The following KITLG variants were observed in gnomAD, a reference collection of about 807,000 sequenced individuals.
KITLG encodes c-Kit ligand.
In KITLG, 13 loss-of-function variants were observed where a neutral mutation model predicts 34.1. That is an observed-to-expected ratio of 0.38 (90% CI 0.25 to 0.61). KITLG has a LOEUF of 0.61. Among genes scored for constraint, KITLG ranks in the 20% least tolerant of loss-of-function variants. The pLI is 0.60. For synonymous variants in KITLG, 110 were observed against 104.0 expected (o/e 1.06, Z -0.35); for missense variants, 292 against 318.9 (o/e 0.92, Z 0.64).
intron 1 of KITLG, among the ~76,000 whole-genome samples, chr12:88,566,174 A>C (rs1871436325): frequency 6.6e-6 from 1 of 152,130 alleles, no homozygotes; most frequent in Non-Finnish European, 1.5e-5. Flanking sequence ...TGAACAATGT[A>C]TGTATGTTTA....
chr12:88,578,234 C>T (rs1176804512), intron 1 of KITLG, among the ~76,000 whole-genome samples: 1 of 151,996 alleles, frequency 6.6e-6, no homozygotes, highest in Admixed American at 6.6e-5. Flanking sequence ...TTTTCAGTGA[C>T]TGTGGAATCG....
At chr12:88,573,660 G>A (rs968660985) in intron 1 of KITLG, among the ~76,000 whole-genome samples, 18 of 152,294 alleles carry the variant, frequency 1.2e-4, no homozygotes, top group African/African-American at 4.1e-4. Flanking sequence ...CTCCTGAAAA[G>A]GCAACACAGT....
At chr12:88,546,210 A>G (rs1193000421) in intron 1 of KITLG, among the ~76,000 whole-genome samples, 2 of 152,178 alleles carry the variant, frequency 1.3e-5, no homozygotes, top group Non-Finnish European at 2.9e-5. Flanking sequence ...TAAAATGTAT[A>G]CCTTATGGCA....
Position 88,544,623 on chromosome 12 carries a change from T to C in KITLG, c.129+1129A>G, listed in dbSNP as rs529311684. Among the ~76,000 whole-genome samples, 10 of 152,108 alleles carry C rather than the reference T, an allele frequency of 6.6e-5. No individual in the cohort carries two copies. In the South Asian group the frequency reaches 1.5e-3, roughly 22 times the overall value. On this transcript the variant is annotated intron_variant, in intron 2 of 9. Transcript: ENST00000644744. The stretch of plus-strand genomic sequence containing the variant: ...GCTCACAGTTCCCTCAAGTAAGACA[T>C]ACTGATACATCTGCTGCTGCTGCAT...
intron 3 of KITLG, among the ~76,000 whole-genome samples, chr12:88,521,456 A>G (rs897169758): frequency 6.6e-6 from 1 of 152,134 alleles, no homozygotes; most frequent in Non-Finnish European, 1.5e-5. Flanking sequence ...AAGATTGTCA[A>G]ATTTACAAAC....
chr12:88,529,247 G>T (rs1490851559), intron 3 of KITLG, among the ~76,000 whole-genome samples: 3 of 152,108 alleles, frequency 2.0e-5, no homozygotes, highest in African/African-American at 4.8e-5. Flanking sequence ...AGTGAATGAA[G>T]GTGTGTGGCA....
intron 3 of KITLG, among the ~76,000 whole-genome samples, chr12:88,524,719 C>T (rs900698798): frequency 3.3e-5 from 5 of 151,930 alleles, no homozygotes; most frequent in African/African-American, 9.7e-5. Flanking sequence ...ATTAGGAAGA[C>T]GGGCCCCTGT....
At chr12:88,529,161 T>C (rs1047393650) in intron 3 of KITLG, among the ~76,000 whole-genome samples, 27 of 152,240 alleles carry the variant, frequency 1.8e-4, no homozygotes, top group Admixed American at 5.9e-4. Flanking sequence ...AATAAAAAAA[T>C]TTTTTTAAAA....
At chr12:88,554,911 T>C (rs1871047872) in intron 1 of KITLG, among the ~76,000 whole-genome samples, 1 of 152,194 alleles carries the variant, frequency 6.6e-6, no homozygotes. Context: ...AAACAGATGT[T>C]ACCAGAGTAA....
chr12:88,552,776 G>C (rs1010932487), intron 1 of KITLG, among the ~76,000 whole-genome samples: 1 of 151,342 alleles, frequency 6.6e-6, no homozygotes, highest in Non-Finnish European at 1.5e-5. Flanking sequence ...AAAAAAAAAC[G>C]CTTTTGGAAA....
At chr12:88,534,925 C>T (rs1252865793) in intron 2 of KITLG, among the ~76,000 whole-genome samples, 2 of 152,050 alleles carry the variant, frequency 1.3e-5, no homozygotes, top group African/African-American at 2.4e-5. Context: ...AAGTAAGCAG[C>T]AATATTCTAT....
chr12:88,580,431 C>T lies in KITLG; in HGVS notation c.-153G>A. On this transcript the variant is annotated 5_prime_UTR_variant, in exon 1 of 10. Transcript: ENST00000644744. ...GCGCCCTCTCCACTGTCCCTGCTTC[C>T]CGCAGCGCTTCTAGTCTCGGCGCGA... The T allele has an allele frequency of 1.1e-6, 1 of 917,536 alleles. No homozygotes were observed. The highest frequency in any genetic ancestry group is 1.5e-5 in the South Asian group (1 of 68,136). The allele number at this position is 917,536 out of a possible 1,614,324, so 56.8% of individuals were successfully genotyped here.
chr12:88,530,763 T>C (rs1870054326), intron 3 of KITLG, among the ~76,000 whole-genome samples: 1 of 152,184 alleles, frequency 6.6e-6, no homozygotes, highest in African/African-American at 2.4e-5. Context: ...TGAAGATACA[T>C]GTTCTAAGGA....
chr12:88,519,014 C>T (rs1869561452), intron 3 of KITLG, 147 bp from the exon 4 acceptor site: 2 of 712,794 alleles, frequency 2.8e-6, no homozygotes. Context: ...AAGTGCCTGC[C>T]ACCATGCCTG....
Position 88,537,303 on chromosome 12 carries a change from A to C in KITLG, c.130-4800T>G, listed in dbSNP as rs117283197. ...GAATACTATGCAGCCACAAAAAAAA[A>C]CAATAAAATCATGTCTTTCGCAGGA... On this transcript the variant is annotated intron_variant, in intron 2 of 9. Coordinates refer to ENST00000644744, the MANE Select transcript of KITLG (RefSeq NM_000899.5). Among the ~76,000 whole-genome samples, 621 of 152,272 alleles carry C rather than the reference A, an allele frequency of 4.1e-3. 1 individual carries two copies. The highest frequency in any genetic ancestry group is 9.8e-3 in the African/African-American group (406 of 41,548).
intron 6 of KITLG, among the ~76,000 whole-genome samples, chr12:88,512,613 G>A (rs529443492): frequency 6.6e-6 from 1 of 151,770 alleles, no homozygotes; most frequent in Non-Finnish European, 1.5e-5. Context: ...ATGTTAAAAA[G>A]GAGAACACTT....
chr12:88,537,911 G>A (rs942289044), intron 2 of KITLG, among the ~76,000 whole-genome samples: 7 of 152,124 alleles, frequency 4.6e-5, no homozygotes, highest in African/African-American at 1.4e-4. Flanking sequence ...AATAGCACAG[G>A]TTCTGGAGAC....
chr12:88,541,808 G>C (rs1870528944), intron 2 of KITLG, among the ~76,000 whole-genome samples: 1 of 150,424 alleles, frequency 6.6e-6, no homozygotes, highest in South Asian at 2.1e-4. Flanking sequence ...AAGTGTTCAA[G>C]AAGAAATTAA....
intron 3 of KITLG, among the ~76,000 whole-genome samples, chr12:88,522,352 A>AT (rs1179783177): frequency 1.3e-5 from 2 of 151,772 alleles, no homozygotes; most frequent in Non-Finnish European, 2.9e-5. Context: ...CTCCTGCCTC[A>AT]TTCAAGAAAC....
Sources: allele counts gnomAD v4.1 joint callset (sites outside exome capture counted in the v4.1 genomes callset), GRCh38; gene constraint gnomAD v4.1.1; transcripts MANE v1.5; gene names NCBI Gene and HGNC (gene_info 2026-07-23, HGNC 2026-07-21).